Variants in P2RY12 observed in about 807,000 individuals in gnomAD.
P2RY12 encodes P2Y purinoceptor 12.
P2RY12 carries 3 observed loss-of-function variants against 4.5 expected under a neutral mutation model. That is an observed-to-expected ratio of 0.67 (90% CI 0.31 to 1.74). P2RY12 has a LOEUF of 1.74. Ranked by LOEUF, P2RY12 falls within the 40% of genes most tolerant of loss-of-function variation. P2RY12 has a pLI of 0.09. For missense variants in P2RY12, 356 were observed against 407.8 expected (o/e 0.87, Z 1.09); for synonymous variants, 148 against 154.1 (o/e 0.96, Z 0.29).
intron 1 of P2RY12, among the ~76,000 whole-genome samples, chr3:151,376,535 T>G (rs1325340818): frequency 6.6e-6 from 1 of 152,190 alleles, no homozygotes. Flanking sequence ...TTAAATAGAT[T>G]TTGAAAGGAG....
intron 1 of P2RY12, among the ~76,000 whole-genome samples, chr3:151,357,613 G>A (rs1754087567): frequency 6.6e-6 from 1 of 151,980 alleles, no homozygotes; most frequent in African/African-American, 2.4e-5. Context: ...CCCTCTCCCT[G>A]GTTTCTAAGT....
intron 1 of P2RY12, among the ~76,000 whole-genome samples, chr3:151,349,549 A>C (rs1213034925): frequency 6.6e-6 from 1 of 152,098 alleles, no homozygotes; most frequent in East Asian, 1.9e-4. Context: ...CTCCCAAAGC[A>C]CTGGGATTAC....
rs778319065 is a variant in P2RY12, at chr3:151,338,543, G to A, written c.303C>T (p.Ser101=). ...PLRTFVCQVT[S]VIFYFTMYIS... ...TATACATTGTGAAATAAAATATGAC[G>A]GAGGTAACTTGACACACAAAAGTTC... The change falls in exon 3 of 3, where the codon TCC becomes TCT. Residue 101 remains serine (S), a synonymous_variant. Coordinates refer to ENST00000302632, the MANE Select transcript of P2RY12 (RefSeq NM_022788.5). 4.8e-5 allele frequency: 77 copies of A among 1,613,742 alleles called. No homozygotes were observed. Among genetic ancestry groups the A allele is most frequent in the Non-Finnish European group, 6.4e-5 (75 of 1,179,956 alleles).
At position 151,365,212 on chromosome 3, in the gene P2RY12, A is replaced by T. The variant is rs1256060053; in HGVS notation, c.-180+19480T>A. On this transcript the variant is annotated intron_variant, in intron 1 of 2. Transcript: ENST00000302632. ...GGCCATCAGGATGCTGGCAGGTGAG[A>T]TGGGTTACCCTGGAATTCATGATTA... is the stretch of plus-strand genomic sequence containing the variant. The T allele has an allele frequency of 5.0e-6, 8 of 1,609,302 alleles. No individual in the cohort carries two copies. The African/African-American group carries it at 1.1e-4, about 22-fold the overall frequency.
rs530292113 is a variant in P2RY12 at position 151,340,590 on chromosome 3, C to G, written c.-15+6G>C. The G allele has an allele frequency of 6.5e-6, 1 of 152,690 alleles. No individual in the cohort carries two copies. The highest frequency in any genetic ancestry group is 2.1e-4 in the South Asian group (1 of 4,824). The allele number at this position is 152,690 out of a possible 1,614,324, so 9.5% of individuals were successfully genotyped here. On this transcript the variant is annotated splice_donor_region_variant and intron_variant, in intron 2 of 2. Transcript: ENST00000302632. The stretch of plus-strand genomic sequence containing the variant: ...ATTTGTCAAGTACTTGTAGAAATAA[C>G]ATTACCTGATAACTGTTGATTCTGG...
rs909793936 is a variant in P2RY12, at chr3:151,369,663, G to C, written c.-180+15029C>G. 4.7e-6 allele frequency: 3 copies of C among 637,598 alleles called. No homozygotes were observed. The African/African-American group carries it at 5.5e-5, about 12-fold the overall frequency. 39.5% of individuals were successfully genotyped at this position (637,598 alleles called of 1,614,324 possible). ...ATTGGAAACATGATACTGTTTGATC[G>C]CTTATTCTCCTGGAAAAATTAGTGG... On this transcript the variant is annotated intron_variant, in intron 1 of 2. Coordinates refer to ENST00000302632, the MANE Select transcript of P2RY12 (RefSeq NM_022788.5).
At chr3:151,355,658 A>G (rs888722224) in intron 1 of P2RY12, among the ~76,000 whole-genome samples, 2 of 152,236 alleles carry the variant, frequency 1.3e-5, no homozygotes, top group African/African-American at 4.8e-5. Context: ...TTGTTCTACC[A>G]TTAGAATACT....
Position 151,338,734 on chromosome 3 carries a change from C to CA in P2RY12, c.111dup (p.Val38CysfsTer19). ...GCCAGGCCATTTGTGATAAGTCCAA[C>CA]AAAAAACAGGACAGTGTAGAGCAGT... On this transcript the variant is annotated frameshift_variant, in exon 3 of 3. Coordinates refer to ENST00000302632, the MANE Select transcript of P2RY12 (RefSeq NM_022788.5). LOFTEE classifies it high-confidence loss of function. The CA allele has an allele frequency of 6.2e-7, 1 of 1,610,598 alleles. No homozygotes were observed. Among genetic ancestry groups the CA allele is most frequent in the Non-Finnish European group, 8.5e-7 (1 of 1,178,746 alleles).
intron 1 of P2RY12, among the ~76,000 whole-genome samples, chr3:151,361,769 T>C (rs749178892): frequency 4.6e-5 from 7 of 152,266 alleles, no homozygotes; most frequent in Middle Eastern, 3.4e-3. Context: ...TCAGAGCTAT[T>C]TGCATGCTGA....
rs188028102 is a variant in P2RY12, at chr3:151,363,104, T to C, written c.-180+21588A>G. The stretch of plus-strand genomic sequence containing the variant: ...CAAGTAACATGCGCTGGGCGTGGGG[T>C]GTGTGGAAATTTAGGGTACCAGCAC... On this transcript the variant is annotated intron_variant, in intron 1 of 2. Coordinates refer to ENST00000302632, the MANE Select transcript of P2RY12 (RefSeq NM_022788.5). Among the ~76,000 whole-genome samples the C allele has an allele frequency of 2.0e-5, 3 of 151,980 alleles. No homozygotes were observed. The East Asian group carries it at 5.8e-4, about 29-fold the overall frequency.
chr3:151,368,091 C>T lies in P2RY12; in HGVS notation c.-180+16601G>A, dbSNP rs902611890. ...CAGGAAATTTAGCTTAATAGGAAAC[C>T]TGAAGGACTTGTTCCCAAGTGTGTT... On this transcript the variant is annotated intron_variant, in intron 1 of 2. Coordinates refer to ENST00000302632, the MANE Select transcript of P2RY12 (RefSeq NM_022788.5). 63 of 1,340,054 alleles carry T rather than the reference C, an allele frequency of 4.7e-5. No individual in the cohort carries two copies. In the Admixed American group the frequency reaches 1.1e-3, roughly 22 times the overall value. 83.0% of individuals were successfully genotyped at this position (1,340,054 alleles called of 1,614,324 possible). A position where few individuals can be genotyped will look rare whatever the true frequency, so the allele number is the denominator to read the frequency against.
intron 1 of P2RY12, among the ~76,000 whole-genome samples, chr3:151,349,820 G>A (rs988700407): frequency 6.6e-6 from 1 of 150,514 alleles, no homozygotes; most frequent in South Asian, 2.1e-4. Context: ...CCCACATCAA[G>A]TGCTTCTATT....
chr3:151,357,116 G>A (rs1163157462), intron 1 of P2RY12: 1 of 993,200 alleles, frequency 1.0e-6, no homozygotes. Flanking sequence ...TGTATTTGTA[G>A]TGTAATGACT....
chr3:151,348,491 T>C (rs1171718429), intron 1 of P2RY12, among the ~76,000 whole-genome samples: 1 of 152,014 alleles, frequency 6.6e-6, no homozygotes, highest in African/African-American at 2.4e-5. Flanking sequence ...ATCCTATGAT[T>C]AGGAATATCT....
intron 1 of P2RY12, among the ~76,000 whole-genome samples, chr3:151,343,162 AC>A (rs1427215434): frequency 1.3e-5 from 2 of 151,808 alleles, no homozygotes; most frequent in African/African-American, 4.8e-5. Flanking sequence ...TAAGGACCAT[AC>A]TCTCCTTTAC....
chr3:151,376,964 T>A (rs1302725591), intron 1 of P2RY12: 2 of 1,611,816 alleles, frequency 1.2e-6, no homozygotes, highest in Non-Finnish European at 1.7e-6. Context: ...TACACATATG[T>A]GCCAGTATTC....
At chr3:151,365,102 C>T in intron 1 of P2RY12, 1 of 1,614,014 alleles carries the variant, frequency 6.2e-7, no homozygotes, top group Non-Finnish European at 8.5e-7. Context: ...GCAGCATCAA[C>T]TACTCAATGC....
intron 2 of P2RY12, among the ~76,000 whole-genome samples, chr3:151,339,479 C>T (rs1751510991): frequency 6.7e-6 from 1 of 150,216 alleles, no homozygotes; most frequent in Non-Finnish European, 1.5e-5. Context: ...GAAGATATTC[C>T]TGCCTCTATA....
intron 1 of P2RY12, among the ~76,000 whole-genome samples, chr3:151,356,389 C>T (rs1231061356): frequency 6.6e-6 from 1 of 151,892 alleles, no homozygotes; most frequent in East Asian, 1.9e-4. Flanking sequence ...AAGGCCCTGT[C>T]TCAAAAATAA....
Sources: allele counts gnomAD v4.1 joint callset (sites outside exome capture counted in the v4.1 genomes callset), GRCh38; gene constraint gnomAD v4.1.1; transcripts MANE v1.5; gene names NCBI Gene and HGNC (gene_info 2026-07-23, HGNC 2026-07-21).